The following COL4A4 variants were observed in gnomAD, a reference collection of about 807,000 sequenced individuals.
The protein encoded by COL4A4 is collagen alpha-4(IV) chain.
COL4A4 carries 105 observed loss-of-function variants against 192.9 expected under a neutral mutation model. The ratio of observed to expected loss-of-function variants is 0.54; its 90% CI spans 0.46 to 0.64. The LOEUF (loss-of-function observed/expected upper bound fraction) is 0.64, where lower values mean the gene tolerates loss of function less well. COL4A4 is among the 30% of genes least tolerant of loss of function. COL4A4 has a pLI of 0.00. For missense variants in COL4A4, 1,967 were observed against 2,169.3 expected (o/e 0.91, Z 1.85); for synonymous variants, 762 against 769.9 (o/e 0.99, Z 0.17).
chr2:227,133,885 T>C (rs1460431426), intron 4 of COL4A4, among the ~76,000 whole-genome samples: 1 of 101,956 alleles, frequency 9.8e-6, no homozygotes, highest in African/African-American at 3.0e-5. Context: ...AGACTCCATC[T>C]CAAAAAAGAA....
chr2:227,045,835 C>T lies in COL4A4; in HGVS notation c.3289+1640G>A, dbSNP rs1240295454. 4.4e-3 allele frequency among the ~76,000 whole-genome samples: 153 copies of T among 35,092 alleles called. 47 individuals carry two copies. Among genetic ancestry groups the T allele is most frequent in the African/African-American group, 0.017 (105 of 6,038 alleles). The allele number at this position is 35,092 out of a possible 152,430, so 23.0% of individuals were successfully genotyped here. ...ATATATACACATATATATATATACA[C>T]ACATATATATATACACATATATATA... On this transcript the variant is annotated intron_variant, in intron 35 of 47. Coordinates refer to ENST00000396625, the MANE Select transcript of COL4A4 (RefSeq NM_000092.5).
chr2:227,077,809 C>A (rs1042414364), intron 25 of COL4A4, 85 bp downstream of exon 25: 2 of 1,249,460 alleles, frequency 1.6e-6, no homozygotes, highest in Non-Finnish European at 2.3e-6. Flanking sequence ...TCTCAGAATT[C>A]ACCACTATAT....
intron 22 of COL4A4, among the ~76,000 whole-genome samples, chr2:227,085,663 G>A (rs920819988): frequency 2.6e-5 from 4 of 152,106 alleles, no homozygotes; most frequent in Non-Finnish European, 4.4e-5. Context: ...GGAGGTCCCA[G>A]ACTCCTTTGA....
intron 22 of COL4A4, 130 bp downstream of exon 22, chr2:227,088,520 CAGA>C: frequency 8.3e-7 from 1 of 1,208,744 alleles, no homozygotes; most frequent in Non-Finnish European, 1.2e-6. Flanking sequence ...CCCACCCATA[CAGA>C]ACTGCGAGTC....
intron 5 of COL4A4, 147 bp downstream of exon 5, chr2:227,120,867 A>G: frequency 4.1e-6 from 4 of 983,914 alleles, no homozygotes; most frequent in South Asian, 3.1e-5. Context: ...TGAACCTGGG[A>G]GGCGAAGGCT....
In COL4A4 at chr2:227,012,358, G is replaced by A. The variant is rs76763554; in HGVS notation, c.4217-61C>T. On this transcript the variant is annotated intron_variant, in intron 44 of 47. Transcript: ENST00000396625. ...ACCATGACACCTGCTAGCATTTACC[G>A]TGCTTATACCGTATGCCAGCCGTGT... is the stretch of plus-strand genomic sequence containing the variant. 6.2e-4 allele frequency: 827 copies of A among 1,339,428 alleles called. 6 individuals are homozygous for A. In the African/African-American group the frequency reaches 9.9e-3, roughly 16 times the overall value. The allele number at this position is 1,339,428 out of a possible 1,614,324, so 83.0% of individuals were successfully genotyped here.
chr2:227,118,746 G>C lies in COL4A4; in HGVS notation c.388C>G (p.Pro130Ala), dbSNP rs1037499264. The change falls in exon 7 of 48, where the codon CCT becomes GCT. Residue 130 changes from proline to alanine, a missense_variant. By Grantham distance (27) the Pro-to-Ala change is conservative. Coordinates refer to ENST00000396625, the MANE Select transcript of COL4A4 (RefSeq NM_000092.5). ...LDGIPGHPGP[P>A]GPRGKPGMSG... Reference sequence around the variant, plus strand: ...ATACCAGGTTTGCCTCTGGGTCCAGGAGGCCCTGGGTGCCCCTGCAGAAAA... The same window carrying C: ...ATACCAGGTTTGCCTCTGGGTCCAGCAGGCCCTGGGTGCCCCTGCAGAAAA... The C allele has an allele frequency of 6.2e-7, 1 of 1,613,354 alleles. No individual in the cohort carries two copies. The highest frequency in any genetic ancestry group is 1.3e-5 in the African/African-American group (1 of 74,922).
chr2:227,042,393 T>A (rs1400192309), intron 36 of COL4A4, 138 bp from the exon 37 acceptor site: 2 of 638,568 alleles, frequency 3.1e-6, no homozygotes, highest in Non-Finnish European at 5.7e-6. Context: ...ATCTTAACTC[T>A]AGGGAGAAAA....
chr2:227,151,858 C>T (rs1340528806), intron 1 of COL4A4, among the ~76,000 whole-genome samples: 1 of 152,224 alleles, frequency 6.6e-6, no homozygotes, highest in Non-Finnish European at 1.5e-5. Context: ...GCACCAGACA[C>T]TGAATCTGCT....
Position 227,102,000 on chromosome 2 carries a change from C to T in COL4A4, c.931-91G>A, listed in dbSNP as rs548033693. On this transcript the variant is annotated intron_variant, in intron 15 of 47. Transcript: ENST00000396625. ...TCATTTTTCACCTTATCAAATTGTT[C>T]CATGGATATTTGGTCCTGTTTGCAA... 5 of 910,858 alleles carry T rather than the reference C, an allele frequency of 5.5e-6. No individual in the cohort carries two copies. The Admixed American group carries it at 7.1e-5, about 13-fold the overall frequency. The allele number at this position is 910,858 out of a possible 1,614,324, so 56.4% of individuals were successfully genotyped here. A position where few individuals can be genotyped will look rare whatever the true frequency, so the allele number is the denominator to read the frequency against.
chr2:227,114,030 C>A (rs1303753747), intron 8 of COL4A4, among the ~76,000 whole-genome samples: 3 of 152,294 alleles, frequency 2.0e-5, no homozygotes, highest in East Asian at 3.9e-4. Flanking sequence ...GGACATCACT[C>A]CCTGCTGAAA....
At chr2:227,015,893 G>A (rs1176820657) in intron 44 of COL4A4, among the ~76,000 whole-genome samples, 1 of 152,096 alleles carries the variant, frequency 6.6e-6, no homozygotes, top group Non-Finnish European at 1.5e-5. Flanking sequence ...ACAGGCAATT[G>A]TGTCTTTTAA....
intron 44 of COL4A4, among the ~76,000 whole-genome samples, chr2:227,016,999 G>A (rs1343649881): frequency 6.6e-6 from 1 of 152,148 alleles, no homozygotes; most frequent in Non-Finnish European, 1.5e-5. Flanking sequence ...TTCCAAGAGA[G>A]TATCAGTTAT....
At chr2:227,066,705 T>G (rs1386191199) in intron 25 of COL4A4, among the ~76,000 whole-genome samples, 1 of 147,422 alleles carries the variant, frequency 6.8e-6, no homozygotes, top group Non-Finnish European at 1.5e-5. Flanking sequence ...CTAAAAGAGC[T>G]CCTGAAGGAA....
intron 1 of COL4A4, among the ~76,000 whole-genome samples, chr2:227,148,078 G>A (rs1315222426): frequency 6.6e-6 from 1 of 152,074 alleles, no homozygotes; most frequent in Non-Finnish European, 1.5e-5. Flanking sequence ...TACAACCTCT[G>A]TGAAAAATAT....
intron 37 of COL4A4, among the ~76,000 whole-genome samples, chr2:227,041,846 A>AGAGAGAGAGAG (rs1971273307): frequency 3.1e-4 from 12 of 39,320 alleles, no homozygotes; most frequent in African/African-American, 1.6e-3. Context: ...GAAAGAAAGA[A>AGAGAGAGAGAG]AGAGAAAGAA....
chr2:226,969,580 G>A, the COL4A4 span, among the ~76,000 whole-genome samples: 3 of 151,978 alleles, frequency 2.0e-5, no homozygotes, highest in Non-Finnish European at 4.4e-5. Flanking sequence ...AATTGACTCC[G>A]TCACCAAAGA....
chr2:227,030,562 T>C lies in COL4A4; in HGVS notation c.3854A>G (p.Asp1285Gly). The C allele has an allele frequency of 6.2e-7, 1 of 1,613,744 alleles. No homozygotes were observed. Among genetic ancestry groups the C allele is most frequent in the Non-Finnish European group, 8.5e-7 (1 of 1,179,846 alleles). The change falls in exon 41 of 48, where the codon GAC (aspartate) becomes GGC (glycine). Residue 1285 changes from aspartate (D) to glycine (G), a missense_variant. Asp to Gly is a moderately conservative substitution (Grantham distance 94, BLOSUM62 -1). Transcript: ENST00000396625. Reference sequence around the variant, plus strand: ...GTCACCTGGCTCCCCTCTCAGAAGGTCAACACTCCCAGGGAGGCCTGGAGG... The same window carrying C: ...GTCACCTGGCTCCCCTCTCAGAAGGCCAACACTCCCAGGGAGGCCTGGAGG... ...PGPPGLPGSV[D>G]LLRGEPGDCG...
At chr2:227,040,806 C>T (rs565630181) in intron 37 of COL4A4, among the ~76,000 whole-genome samples, 10 of 152,044 alleles carry the variant, frequency 6.6e-5, no homozygotes, top group Non-Finnish European at 1.0e-4. Context: ...TCAAGTGATC[C>T]GCCCACGTCA....
Sources: gnomAD v4.1 joint callset for allele counts (sites outside exome capture counted in the v4.1 genomes callset) on GRCh38, gnomAD v4.1.1 for gene constraint, MANE v1.5 for transcripts, NCBI Gene and HGNC (gene_info 2026-07-23, HGNC 2026-07-21) for gene names.